The following PAK3 variants were observed in gnomAD, a reference collection of about 807,000 sequenced individuals.
PAK3 encodes the protein serine/threonine-protein kinase PAK 3.
PAK3 carries 4 observed loss-of-function variants against 41.0 expected under a neutral mutation model. The observed-to-expected ratio is 0.10, with a 90% CI of 0.05 to 0.22. PAK3 has a LOEUF of 0.22. PAK3 is among the 10% of genes least tolerant of loss of function. The pLI is 1.00. For synonymous variants in PAK3, 146 were observed against 139.6 expected (o/e 1.05, Z -0.32); for missense variants, 205 against 409.9 (o/e 0.50, Z 4.32).
At position 110,965,829 on chromosome X, in the gene PAK3, T is replaced by A. The variant is rs190477335; in HGVS notation, c.-28+21201T>A. On this transcript the variant is annotated intron_variant, in intron 1 of 14. Transcript: ENST00000425146. ...GTAATTCACTAAATCCTCAAAATGA[T>A]CCTGTGAGAGGGACTTGTATTATCC... Among the ~76,000 whole-genome samples the A allele has an allele frequency of 3.4e-3, 386 of 112,316 alleles. 1 individual carries two copies. The highest frequency in any genetic ancestry group is 5.9e-3 in the Non-Finnish European group (313 of 53,276).
intron 16 of PAK3, among the ~76,000 whole-genome samples, chrX:111,200,433 A>G (rs1435519782): frequency 1.8e-5 from 2 of 111,874 alleles, no homozygotes; most frequent in African/African-American, 6.5e-5. Context: ...AATGAATGCT[A>G]TAGGCTATTT....
intron 1 of PAK3, among the ~76,000 whole-genome samples, chrX:111,022,860 G>A (rs749680441): frequency 3.6e-5 from 4 of 110,262 alleles, no homozygotes; most frequent in African/African-American, 1.0e-4. Context: ...CCATGCAAAC[G>A]GACACCAGAA....
intron 11 of PAK3, 65 bp from the exon 12 acceptor site, chrX:111,192,062 T>C: frequency 2.9e-6 from 2 of 678,798 alleles, no homozygotes; most frequent in East Asian, 3.3e-5. Context: ...TTACATTTTA[T>C]TTCAAGTAAA....
In PAK3 at chrX:110,981,316, C is replaced by T. The variant is rs367776899; in HGVS notation, c.-28+36688C>T. On this transcript the variant is annotated intron_variant, in intron 1 of 14. Transcript: ENST00000425146. ...AATTCATTCATATTTGGATCTTTTA[C>T]TAAATAATTTTTGACCTTTTGTTCT... Among the ~76,000 whole-genome samples the T allele has an allele frequency of 4.5e-5, 5 of 111,990 alleles. No individual in the cohort carries two copies. In the East Asian group the frequency reaches 1.4e-3, roughly 31 times the overall value.
chrX:110,986,756 C>G (rs867307820), intron 1 of PAK3, among the ~76,000 whole-genome samples: 2 of 104,396 alleles, frequency 1.9e-5, no homozygotes, highest in Non-Finnish European at 3.9e-5. Flanking sequence ...CAAGTGTACG[C>G]GTGTGTGTGT....
chrX:111,006,014 T>C (rs964951464), intron 1 of PAK3, among the ~76,000 whole-genome samples: 10 of 111,076 alleles, frequency 9.0e-5, no homozygotes, highest in African/African-American at 3.3e-4. Flanking sequence ...ATCCCAGCAA[T>C]AGACAGGGGT....
chrX:111,026,941 G>A (rs371014764), intron 1 of PAK3, among the ~76,000 whole-genome samples: 6 of 112,019 alleles, frequency 5.4e-5, no homozygotes, highest in East Asian at 2.8e-4. Context: ...AAACAGTATC[G>A]TAGTGGTATA....
chrX:110,994,759 G>C (rs749128580), intron 1 of PAK3, among the ~76,000 whole-genome samples: 50 of 111,702 alleles, frequency 4.5e-4, no homozygotes, highest in African/African-American at 1.5e-3. Context: ...ACCTAGCTCT[G>C]TGATTTTTGG....
At chrX:111,154,523 G>A (rs1337807562) in intron 8 of PAK3, among the ~76,000 whole-genome samples, 10 of 111,251 alleles carry the variant, frequency 9.0e-5, no homozygotes, top group Non-Finnish European at 1.7e-4. Flanking sequence ...ACTTAGTATA[G>A]TACTTAGCAC....
intron 1 of PAK3, among the ~76,000 whole-genome samples, chrX:110,969,226 A>T (rs1297833120): frequency 5.0e-5 from 5 of 99,606 alleles, no homozygotes; most frequent in Non-Finnish European, 1.0e-4. Context: ...GTCAAGGTTC[A>T]TTATTTTGCC....
rs1305081043 is a variant in PAK3, at chrX:111,179,755, G to T, written c.830+6674G>T. On this transcript the variant is annotated intron_variant, in intron 11 of 17. Coordinates refer to ENST00000372007, the MANE Select transcript of PAK3 (RefSeq NM_002578.5). ...TTTCCACTACCATTATCTTGTTGAA[G>T]AAACTGGTTATTGCCTTGTAAAATG... 3.6e-5 allele frequency among the ~76,000 whole-genome samples: 4 copies of T among 111,665 alleles called. No individual in the cohort carries two copies. In the South Asian group the frequency reaches 1.1e-3, roughly 32 times the overall value.
At chrX:111,019,361 G>C (rs1206335344) in intron 1 of PAK3, among the ~76,000 whole-genome samples, 3 of 109,718 alleles carry the variant, frequency 2.7e-5, no homozygotes, top group Non-Finnish European at 5.7e-5. Context: ...TTGATATCCA[G>C]AATTGTAAAC....
intron 1 of PAK3, among the ~76,000 whole-genome samples, chrX:111,056,270 A>G (rs1032548628): frequency 5.4e-5 from 6 of 111,814 alleles, no homozygotes; most frequent in Non-Finnish European, 7.5e-5. Flanking sequence ...CCAGTCCCCA[A>G]GTGAAAGGCT....
intron 8 of PAK3, among the ~76,000 whole-genome samples, chrX:111,159,153 G>C (rs949184019): frequency 9.0e-6 from 1 of 111,187 alleles, no homozygotes; most frequent in African/African-American, 3.3e-5. Flanking sequence ...CTTTTAAAAT[G>C]TATGGTTAGG....
chrX:111,188,546 C>T lies in PAK3; in HGVS notation c.831-3581C>T, dbSNP rs924046026. Among the ~76,000 whole-genome samples the T allele has an allele frequency of 3.6e-5, 4 of 111,950 alleles. No individual in the cohort carries two copies. In the Admixed American group the frequency reaches 3.8e-4, roughly 11 times the overall value. On this transcript the variant is annotated intron_variant, in intron 11 of 17. Coordinates refer to ENST00000372007, the MANE Select transcript of PAK3 (RefSeq NM_002578.5). ...GGATGTGGAACCTCTAAAACGTGTT[C>T]CAATAGTTTACCTCAGCCTCTGTCC...
chrX:111,121,961 A>G (rs1337909080), intron 4 of PAK3, among the ~76,000 whole-genome samples: 1 of 111,227 alleles, frequency 9.0e-6, no homozygotes, highest in Non-Finnish European at 1.9e-5. Context: ...GATACTAAAG[A>G]ATAATGAACT....
chrX:111,034,981 C>G (rs762862607), intron 1 of PAK3, among the ~76,000 whole-genome samples: 2 of 107,205 alleles, frequency 1.9e-5, no homozygotes, highest in Non-Finnish European at 3.8e-5. Flanking sequence ...TGGTGTCCAA[C>G]TGTTGTCCCA....
chrX:111,122,078 C>A (rs1354501578), intron 4 of PAK3, among the ~76,000 whole-genome samples: 1 of 107,609 alleles, frequency 9.3e-6, no homozygotes, highest in Non-Finnish European at 1.9e-5. Context: ...CACAGTGAAA[C>A]CCCGTCTCTA....
chrX:111,220,079 C>A (rs748669561), intron 17 of PAK3, among the ~76,000 whole-genome samples: 1 of 110,968 alleles, frequency 9.0e-6, no homozygotes, highest in East Asian at 2.9e-4. Context: ...ATAAATATAT[C>A]AGTTTAGGAA....
Sources: allele counts gnomAD v4.1 joint callset (sites outside exome capture counted in the v4.1 genomes callset), GRCh38; gene constraint gnomAD v4.1.1; transcripts MANE v1.5; gene names NCBI Gene and HGNC (gene_info 2026-07-23, HGNC 2026-07-21).